AFF1: variants seen among roughly 807,000 people sequenced by gnomAD.
AFF1 encodes the protein AF4/FMR2 family member 1.
In AFF1, 48 loss-of-function variants were observed where a neutral mutation model predicts 121.7. The ratio of observed to expected loss-of-function variants is 0.39; its 90% CI spans 0.31 to 0.50. The LOEUF is 0.50. AFF1 is among the 20% of genes least tolerant of loss of function. The pLI is 0.76. For synonymous variants in AFF1, 613 were observed against 563.0 expected (o/e 1.09, Z -1.26); for missense variants, 1,523 against 1,511.7 (o/e 1.01, Z -0.12).
intron 4 of AFF1, among the ~76,000 whole-genome samples, chr4:87,071,747 C>T (rs17012353): frequency 0.02 from 3,070 of 152,210 alleles, 111 homozygotes; most frequent in African/African-American, 0.07. Context: ...TTTGTTGTTA[C>T]TATTAGAACG....
chr4:86,992,494 G>A (rs1396083595), intron 2 of AFF1, among the ~76,000 whole-genome samples: 3 of 152,162 alleles, frequency 2.0e-5, no homozygotes, highest in Non-Finnish European at 2.9e-5. Context: ...TTGGAAGAAA[G>A]TCATCTTTAT....
intron 2 of AFF1, chr4:86,949,887 A>AG: frequency 6.2e-7 from 1 of 1,614,026 alleles, no homozygotes; most frequent in Non-Finnish European, 8.5e-7. Context: ...AGCCACGTGA[A>AG]GGGGTTCTTG....
Position 87,134,475 on chromosome 4 carries a change from A to G in AFF1, c.3316A>G (p.Thr1106Ala). 6.3e-7 allele frequency: 1 copy of G among 1,595,782 alleles called. No individual in the cohort carries two copies. Among genetic ancestry groups the G allele is most frequent in the Non-Finnish European group, 8.5e-7 (1 of 1,171,552 alleles). Residue 1106 changes from threonine (T) to alanine (A), a missense_variant, in exon 20 of 21, where the codon ACA (threonine) becomes GCA (alanine). Thr to Ala is a moderately conservative substitution (Grantham distance 58). This residue lies in a region of AFF1 where 241 missense variants were observed against 265.2 expected (regional missense o/e 0.91). Coordinates refer to ENST00000395146, the MANE Select transcript of AFF1 (RefSeq NM_001166693.3). ...QAPSPCIARS[T>A]GTPSPLSPMP... ...CTCTTCTCTTCCACCTCCCAGAAGC[A>G]CAGGCACACCATCCCCTCTTTCCCC...
chr4:87,112,202 G>A (rs1480663601), intron 11 of AFF1, among the ~76,000 whole-genome samples: 1 of 152,188 alleles, frequency 6.6e-6, no homozygotes, highest in African/African-American at 2.4e-5. Context: ...AATCATGTTT[G>A]ACAAGTGGGT....
chr4:87,065,527 A>G lies in AFF1; in HGVS notation c.1059+17933A>G, dbSNP rs1721264435. Among the ~76,000 whole-genome samples the G allele has an allele frequency of 2.7e-5, 4 of 150,282 alleles. No homozygotes were observed. In the South Asian group the frequency reaches 8.3e-4, roughly 31 times the overall value. ...GGTGAGGTTAAAAAAAAAAAAAGTG[A>G]GTTGATCATAAACTGATCTAAAAAA... On this transcript the variant is annotated intron_variant, in intron 4 of 20. Coordinates refer to ENST00000395146, the MANE Select transcript of AFF1 (RefSeq NM_001166693.3).
At chr4:87,071,507 C>G (rs1722050913) in intron 4 of AFF1, among the ~76,000 whole-genome samples, 1 of 151,970 alleles carries the variant, frequency 6.6e-6, no homozygotes, top group Non-Finnish European at 1.5e-5. Flanking sequence ...GTTGAAAGAC[C>G]TTTAAATTTT....
intron 2 of AFF1, among the ~76,000 whole-genome samples, chr4:86,988,273 G>T (rs1724444921): frequency 6.6e-6 from 1 of 152,008 alleles, no homozygotes; most frequent in African/African-American, 2.4e-5. Flanking sequence ...ACTAGAACCT[G>T]TTCCTTCCAT....
At chr4:87,124,927 G>T (rs1728076027) in intron 12 of AFF1, 110 bp from the exon 13 acceptor site, 1 of 805,590 alleles carries the variant, frequency 1.2e-6, no homozygotes, top group African/African-American at 1.7e-5. Context: ...TGCGTACAGA[G>T]ATGTCTCCAA....
chr4:87,062,978 G>A (rs1720931131), intron 4 of AFF1, among the ~76,000 whole-genome samples: 1 of 152,078 alleles, frequency 6.6e-6, no homozygotes, highest in Admixed American at 6.5e-5. Context: ...TTTGAATCTT[G>A]TTTTTACCTT....
intron 4 of AFF1, among the ~76,000 whole-genome samples, chr4:87,080,876 C>T (rs1034634875): frequency 6.6e-6 from 1 of 152,136 alleles, no homozygotes; most frequent in African/African-American, 2.4e-5. Context: ...AGATGTGAGT[C>T]TCAGGTAGAT....
At chr4:87,044,850 G>A (rs1281591643) in intron 2 of AFF1, among the ~76,000 whole-genome samples, 2 of 152,218 alleles carry the variant, frequency 1.3e-5, no homozygotes, top group African/African-American at 4.8e-5. Flanking sequence ...TGACAGGCCT[G>A]CAAGGGGACA....
intron 2 of AFF1, among the ~76,000 whole-genome samples, chr4:86,977,815 C>T (rs900205088): frequency 2.6e-5 from 4 of 152,160 alleles, no homozygotes; most frequent in African/African-American, 9.7e-5. Flanking sequence ...GGGAGTTGCC[C>T]TAACATAATT....
At chr4:87,085,681 T>C (rs540688852) in intron 5 of AFF1, among the ~76,000 whole-genome samples, 1 of 152,260 alleles carries the variant, frequency 6.6e-6, no homozygotes, top group South Asian at 2.1e-4. Flanking sequence ...CTTGTTTTTG[T>C]TTCACAGTCT....
At chr4:87,081,311 G>A (rs957450907) in intron 4 of AFF1, among the ~76,000 whole-genome samples, 15 of 151,830 alleles carry the variant, frequency 9.9e-5, no homozygotes, top group African/African-American at 2.9e-4. Context: ...ACAGGCATCC[G>A]CCACCACGCC....
intron 4 of AFF1, among the ~76,000 whole-genome samples, chr4:87,050,530 T>C (rs921357957): frequency 5.9e-5 from 9 of 152,254 alleles, no homozygotes; most frequent in African/African-American, 1.4e-4. Flanking sequence ...TGGGAAATAC[T>C]TGGTTTTATG....
intron 4 of AFF1, among the ~76,000 whole-genome samples, chr4:87,051,050 G>A (rs984203521): frequency 6.6e-6 from 1 of 152,216 alleles, no homozygotes; most frequent in Non-Finnish European, 1.5e-5. Context: ...TATTGAAAAG[G>A]AGAAGTGGAA....
chr4:87,089,984 G>C lies in AFF1; in HGVS notation c.1105G>C (p.Glu369Gln). 2.5e-6 allele frequency: 4 copies of C among 1,612,532 alleles called. No homozygotes were observed. Among genetic ancestry groups the C allele is most frequent in the Non-Finnish European group, 3.4e-6 (4 of 1,179,112 alleles). ...CTTCCCTTTCCAAATATCTTTCCAG[G>C]AAATGACCCATTCATGGCCGCCTCC... ...EVHCVEEILK[E>Q]MTHSWPPPLT... The change falls in exon 6 of 21, where the codon GAA becomes CAA. Residue 369 changes from glutamate to glutamine, a missense_variant and splice_region_variant. Physicochemically the swap from Glu to Gln is conservative, Grantham distance 29. This residue lies in a region of AFF1 where 905 missense variants were observed against 842.5 expected (regional missense o/e 1.07). Transcript: ENST00000395146.
chr4:86,996,252 T>G (rs1369090574), intron 2 of AFF1, among the ~76,000 whole-genome samples: 1 of 152,066 alleles, frequency 6.6e-6, no homozygotes, highest in Non-Finnish European at 1.5e-5. Flanking sequence ...GAACGGGCCA[T>G]GATGACAATG....
chr4:87,023,478 G>A (rs2149566579), intron 2 of AFF1, among the ~76,000 whole-genome samples: 1 of 152,268 alleles, frequency 6.6e-6, no homozygotes, highest in African/African-American at 2.4e-5. Flanking sequence ...TCATTTATTT[G>A]AGAAGAAATT....
Sources: allele counts gnomAD v4.1 joint callset (sites outside exome capture counted in the v4.1 genomes callset), GRCh38; gene constraint gnomAD v4.1.1; regional missense constraint gnomAD v4.1.1; transcripts MANE v1.5; gene names NCBI Gene and HGNC (gene_info 2026-07-23, HGNC 2026-07-21).